The following NOS2 variants were observed in gnomAD, a reference collection of about 807,000 sequenced individuals.
The protein encoded by NOS2 is nitric oxide synthase 2.
A neutral mutation model predicts 136.0 loss-of-function variants in NOS2; 96 were observed. The ratio of observed to expected loss-of-function variants is 0.71; its 90% CI spans 0.60 to 0.84. NOS2 has a LOEUF of 0.84. Ranked by LOEUF, NOS2 falls within the 40% of genes least tolerant of loss-of-function variation. The pLI is 0.00. For synonymous variants in NOS2, 539 were observed against 587.5 expected (o/e 0.92, Z 1.20); for missense variants, 1,237 against 1,496.9 (o/e 0.83, Z 2.87).
chr17:27,783,932 C>T (rs190593550), intron 5 of NOS2, among the ~76,000 whole-genome samples: 1 of 152,136 alleles, frequency 6.6e-6, no homozygotes, highest in Non-Finnish European at 1.5e-5. Flanking sequence ...ACCTGGCTAT[C>T]GGAGCTCAGT....
chr17:27,765,574 G>C lies in NOS2; in HGVS notation c.2389C>G (p.Pro797Ala), dbSNP rs369756704. The change falls in exon 20 of 27, where the codon CCC becomes GCC. Residue 797 changes from proline to alanine, a missense_variant. Coordinates refer to ENST00000313735, the MANE Select transcript of NOS2 (RefSeq NM_000625.4). Reference sequence around the variant, plus strand: ...GCCTCCAGGCGCACTGTCTGGTGGGGTGTGGGGCCATCCACCACTCGCTCC... The same window carrying C: ...GCCTCCAGGCGCACTGTCTGGTGGGCTGTGGGGCCATCCACCACTCGCTCC... ...ILERVVDGPT[P>A]HQTVRLEALD... is the part of the protein sequence containing the mutation. 4 of 1,611,574 alleles carry C rather than the reference G, an allele frequency of 2.5e-6. No individual in the cohort carries two copies. The African/African-American group carries it at 5.3e-5, about 22-fold the overall frequency.
intron 11 of NOS2, among the ~76,000 whole-genome samples, chr17:27,778,031 T>A (rs1371350478): frequency 6.8e-5 from 10 of 147,062 alleles, no homozygotes; most frequent in Non-Finnish European, 1.3e-4. Context: ...TGAGATGATG[T>A]CTCAAAAAAA....
chr17:27,779,075 C>G lies in NOS2; in HGVS notation c.1005-19G>C. ...CTCGTATCTGGCAAAAAGGTAGACA[C>G]AATTTAACTGGGGCCTTCCTTATTT... is the stretch of plus-strand genomic sequence containing the variant. On this transcript the variant is annotated intron_variant, in intron 9 of 26. Transcript: ENST00000313735. The G allele has an allele frequency of 1.4e-6, 2 of 1,433,420 alleles. No individual in the cohort carries two copies. Among genetic ancestry groups the G allele is most frequent in the South Asian group, 1.7e-5 (1 of 58,464 alleles). The allele number at this position is 1,433,420 out of a possible 1,614,324, so 88.8% of individuals were successfully genotyped here.
chr17:27,767,905 C>G, intron 17 of NOS2, 68 bp from the exon 18 acceptor site: 1 of 1,595,158 alleles, frequency 6.3e-7, no homozygotes, highest in Non-Finnish European at 8.5e-7. Flanking sequence ...CTGGGGCTAC[C>G]ACTTTTTAGG....
At chr17:27,774,117 G>A in intron 12 of NOS2, 140 bp downstream of exon 12, 2 of 533,366 alleles carry the variant, frequency 3.7e-6, no homozygotes, top group Non-Finnish European at 3.0e-6. Flanking sequence ...CAGCATCCTT[G>A]AGTGGGGCCT....
intron 2 of NOS2, among the ~76,000 whole-genome samples, chr17:27,792,301 A>G: frequency 6.6e-6 from 1 of 152,154 alleles, no homozygotes; most frequent in East Asian, 1.9e-4. Context: ...AGCACAGAAA[A>G]ACACCTCGAG....
intron 11 of NOS2, among the ~76,000 whole-genome samples, chr17:27,778,104 T>C (rs1908716915): frequency 6.6e-6 from 1 of 151,630 alleles, no homozygotes; most frequent in Admixed American, 6.6e-5. Flanking sequence ...TATGAGGAAG[T>C]ATTTTGAAGA....
chr17:27,774,548 C>G (rs1439637958), intron 11 of NOS2, 97 bp from the exon 12 acceptor site: 2 of 902,634 alleles, frequency 2.2e-6, no homozygotes, highest in Non-Finnish European at 3.2e-6. Flanking sequence ...CCTGGGAAGG[C>G]CTGGCAATCT....
chr17:27,790,971 A>C (rs1310802111), intron 2 of NOS2, among the ~76,000 whole-genome samples: 1 of 152,230 alleles, frequency 6.6e-6, no homozygotes, highest in Non-Finnish European at 1.5e-5. Context: ...AGAGGTGGTT[A>C]GAGACTATTA....
In NOS2 at chr17:27,769,095, T is replaced by C. The variant is rs1439863092; in HGVS notation, c.1916A>G (p.His639Arg). 6.2e-7 allele frequency: 1 copy of C among 1,612,980 alleles called. No homozygotes were observed. Among genetic ancestry groups the C allele is most frequent in the Non-Finnish European group, 8.5e-7 (1 of 1,179,826 alleles). ...SMYPRFCAFA[H>R]DIDQKLSHLG... Reference sequence around the variant, plus strand: ...GTGGGACAGCTTCTGATCAATGTCATGAGCAAAGGCGCAGAACCGAGGGTA... The same window carrying C: ...GTGGGACAGCTTCTGATCAATGTCACGAGCAAAGGCGCAGAACCGAGGGTA... The change falls in exon 17 of 27, where the codon CAT becomes CGT. Residue 639 changes from histidine (H) to arginine (R), a missense_variant. Around this residue, in one of 3 missense-constraint regions of NOS2, gnomAD observed 782 missense variants for 909.9 expected, o/e 0.86. Coordinates refer to ENST00000313735, the MANE Select transcript of NOS2 (RefSeq NM_000625.4).
At chr17:27,765,338 G>C (rs892856618) in intron 20 of NOS2, among the ~76,000 whole-genome samples, 197 bp downstream of exon 20, 18 of 152,366 alleles carry the variant, frequency 1.2e-4, no homozygotes, top group African/African-American at 4.1e-4. Context: ...GTTATCATTA[G>C]GGAAACTAAG....
At chr17:27,761,900 G>A (rs1340127037) in intron 22 of NOS2, among the ~76,000 whole-genome samples, 3 of 152,168 alleles carry the variant, frequency 2.0e-5, no homozygotes, top group South Asian at 4.1e-4. Flanking sequence ...CACAGGACAC[G>A]TCTGCCTCTC....
At chr17:27,772,515 G>T in intron 13 of NOS2, 63 bp from the exon 14 acceptor site, 1 of 1,590,754 alleles carries the variant, frequency 6.3e-7, no homozygotes, top group Non-Finnish European at 8.6e-7. Context: ...AGAAAATGGG[G>T]GACCAGGGGA....
chr17:27,777,153 G>C (rs1908685867), intron 11 of NOS2, among the ~76,000 whole-genome samples: 1 of 152,220 alleles, frequency 6.6e-6, no homozygotes, highest in Non-Finnish European at 1.5e-5. Flanking sequence ...TCTGCCTATG[G>C]GGTGACCCAG....
chr17:27,765,417 G>T, intron 20 of NOS2, 118 bp downstream of exon 20: 2 of 916,980 alleles, frequency 2.2e-6, no homozygotes, highest in East Asian at 2.7e-5. Flanking sequence ...TTGGTGGCCC[G>T]CCCTCTCAGC....
At chr17:27,786,315 A>G (rs1405715612) in intron 5 of NOS2, among the ~76,000 whole-genome samples, 1 of 151,972 alleles carries the variant, frequency 6.6e-6, no homozygotes, top group East Asian at 1.9e-4. Context: ...AGTCCCAGCT[A>G]CTCAGGAGGC....
At chr17:27,761,474 G>A (rs1171738066) in intron 22 of NOS2, among the ~76,000 whole-genome samples, 2 of 152,102 alleles carry the variant, frequency 1.3e-5, no homozygotes, top group East Asian at 3.9e-4. Flanking sequence ...AAACTGAGAC[G>A]GGGAGAGGAA....
rs1246882855 is a variant in NOS2, at chr17:27,787,701, G to A, written c.444C>T (p.Asn148=). 1 of 1,613,394 alleles carries A rather than the reference G, an allele frequency of 6.2e-7. No individual in the cohort carries two copies. Among genetic ancestry groups the A allele is most frequent in the Non-Finnish European group, 8.5e-7 (1 of 1,179,708 alleles). ...ACTCTTTGAAGGAGCCGTAATATTG[G>A]TTGACAAATTCGATAGCTTGAGGTA... ...ELLPQAIEFV[N]QYYGSFKEAK... is the part of the protein sequence containing the mutation. Residue 148 remains asparagine (N), a synonymous_variant, in exon 5 of 27, where the codon AAC becomes AAT. Coordinates refer to ENST00000313735, the MANE Select transcript of NOS2 (RefSeq NM_000625.4).
chr17:27,760,216 C>G (rs1337792402), intron 24 of NOS2, 38 bp from the exon 25 acceptor site: 2 of 1,503,770 alleles, frequency 1.3e-6, no homozygotes, highest in Non-Finnish European at 1.8e-6. Flanking sequence ...ATGTTGGCCA[C>G]CAGAGGGCGC....
Sources: gnomAD v4.1 joint callset for allele counts (sites outside exome capture counted in the v4.1 genomes callset) on GRCh38, gnomAD v4.1.1 for gene constraint, gnomAD v4.1.1 regional missense constraint, MANE v1.5 for transcripts, NCBI Gene and HGNC (gene_info 2026-07-23, HGNC 2026-07-21) for gene names.